The following DPYD variants were observed in gnomAD, a reference collection of about 807,000 sequenced individuals.
DPYD encodes the protein dihydropyrimidine dehydrogenase.
A neutral mutation model predicts 116.2 loss-of-function variants in DPYD; 109 were observed. That is an observed-to-expected ratio of 0.94 (90% CI 0.80 to 1.10). The LOEUF is 1.10. Among genes scored for constraint, DPYD ranks in the 50% least tolerant of loss-of-function variants. The pLI is 0.00. For synonymous variants in DPYD, 440 were observed against 432.0 expected (o/e 1.02, Z -0.23); for missense variants, 1,302 against 1,254.5 (o/e 1.04, Z -0.57).
intron 8 of DPYD, among the ~76,000 whole-genome samples, chr1:97,609,188 G>A (rs549824219): frequency 5.3e-5 from 8 of 151,818 alleles, no homozygotes; most frequent in African/African-American, 7.2e-5. Flanking sequence ...TTGTAAATAC[G>A]TTTATATTTT....
intron 3 of DPYD, among the ~76,000 whole-genome samples, chr1:97,804,775 CATCTCTTAGGATTTGTAA>C (rs1381010217): frequency 6.6e-6 from 1 of 151,832 alleles, no homozygotes; most frequent in Non-Finnish European, 1.5e-5. Flanking sequence ...AATTTAACTT[CATCTCTTAGGATTTGTAA>C]ACCTATTCTT....
intron 20 of DPYD, among the ~76,000 whole-genome samples, chr1:97,124,382 G>C (rs1652674475): frequency 6.6e-6 from 1 of 152,050 alleles, no homozygotes; most frequent in Non-Finnish European, 1.5e-5. Flanking sequence ...GAGCTGCAAT[G>C]CTTCAACATT....
intron 15 of DPYD, among the ~76,000 whole-genome samples, chr1:97,379,423 C>T (rs34085458): frequency 0.23 from 34,602 of 152,178 alleles, 4,749 homozygotes; most frequent in Non-Finnish European, 0.3. Flanking sequence ...GCCAATTATA[C>T]GCTTCCTCAA....
intron 13 of DPYD, among the ~76,000 whole-genome samples, chr1:97,477,841 C>T (rs1002056105): frequency 2.0e-5 from 3 of 151,938 alleles, no homozygotes; most frequent in East Asian, 1.9e-4. Context: ...AGGATGGTCT[C>T]GATCTCCTGA....
intron 4 of DPYD, among the ~76,000 whole-genome samples, chr1:97,729,907 C>A (rs576080274): frequency 6.6e-6 from 1 of 152,232 alleles, no homozygotes; most frequent in Non-Finnish European, 1.5e-5. Flanking sequence ...ATTGTTGCCT[C>A]TATATTGTTC....
rs913573695 is a variant in DPYD, at chr1:97,201,019, C to T, written c.2443-7771G>A. Among the ~76,000 whole-genome samples, 7 of 152,236 alleles carry T rather than the reference C, an allele frequency of 4.6e-5. 2 individuals carry two copies. The highest frequency in any genetic ancestry group is 1.3e-4 in the Admixed American group (2 of 15,276). ...AACTGGGAGGGCCAACAGTAAGACT[C>T]AGAATTTCTGACCTCTGCAGAGCTT... is the stretch of plus-strand genomic sequence containing the variant. On this transcript the variant is annotated intron_variant, in intron 19 of 22. Coordinates refer to ENST00000370192, the MANE Select transcript of DPYD (RefSeq NM_000110.4).
At chr1:97,771,328 T>C (rs889028509) in intron 3 of DPYD, among the ~76,000 whole-genome samples, 1 of 152,224 alleles carries the variant, frequency 6.6e-6, no homozygotes, top group African/African-American at 2.4e-5. Context: ...TTTAATATGC[T>C]GTTAGCGGCT....
At chr1:97,595,980 A>G (rs1477051113) in intron 8 of DPYD, among the ~76,000 whole-genome samples, 4 of 152,074 alleles carry the variant, frequency 2.6e-5, no homozygotes, top group Non-Finnish European at 5.9e-5. Context: ...GGAAATATAC[A>G]TTGGTGTTCA....
chr1:97,291,434 AC>A (rs1558004769), intron 18 of DPYD, among the ~76,000 whole-genome samples: 1 of 151,780 alleles, frequency 6.6e-6, no homozygotes, highest in Non-Finnish European at 1.5e-5. Context: ...CTTGGAACCA[AC>A]CCAAATGTCC....
At chr1:97,377,638 T>G (rs1671709360) in intron 15 of DPYD, among the ~76,000 whole-genome samples, 1 of 152,214 alleles carries the variant, frequency 6.6e-6, no homozygotes, top group Admixed American at 6.5e-5. Flanking sequence ...AACCACAAAC[T>G]CTTGTGCAAC....
chr1:97,719,884 C>A, intron 5 of DPYD: 1 of 985,010 alleles, frequency 1.0e-6, no homozygotes, highest in Non-Finnish European at 1.2e-6. Flanking sequence ...ACTTAAAATG[C>A]ATCTACTGCA....
intron 5 of DPYD, among the ~76,000 whole-genome samples, chr1:97,705,500 A>G (rs1464708221): frequency 6.6e-6 from 1 of 151,996 alleles, no homozygotes. Flanking sequence ...TCCATGGTGT[A>G]TATGTGCCAC....
chr1:97,612,038 T>C (rs1286459978), intron 8 of DPYD, among the ~76,000 whole-genome samples: 1 of 152,068 alleles, frequency 6.6e-6, no homozygotes, highest in Non-Finnish European at 1.5e-5. Flanking sequence ...GTGGCTCATG[T>C]GTAATCTGGG....
intron 20 of DPYD, among the ~76,000 whole-genome samples, chr1:97,117,560 T>C (rs1049014524): frequency 1.3e-5 from 2 of 152,224 alleles, no homozygotes; most frequent in African/African-American, 2.4e-5. Flanking sequence ...ATCCATTGTA[T>C]ACATATTGCA....
chr1:97,147,239 A>T (rs1260345240), intron 20 of DPYD, among the ~76,000 whole-genome samples: 1 of 152,066 alleles, frequency 6.6e-6, no homozygotes, highest in Non-Finnish European at 1.5e-5. Flanking sequence ...CCAGCTACTC[A>T]GGAGGCTGAG....
chr1:97,706,189 T>C (rs1456132028), intron 5 of DPYD, among the ~76,000 whole-genome samples: 1 of 150,662 alleles, frequency 6.6e-6, no homozygotes, highest in African/African-American at 2.4e-5. Flanking sequence ...CTAGCCACTC[T>C]ACTAACAAAA....
chr1:97,514,409 A>G (rs1648047632), intron 13 of DPYD, among the ~76,000 whole-genome samples: 1 of 151,878 alleles, frequency 6.6e-6, no homozygotes. Context: ...GTTTACATAT[A>G]TGTTTTTTAA....
At chr1:97,440,621 A>G (rs113770782) in intron 14 of DPYD, among the ~76,000 whole-genome samples, 1 of 152,196 alleles carries the variant, frequency 6.6e-6, no homozygotes, top group African/African-American at 2.4e-5. Flanking sequence ...AGAACCCTAG[A>G]GCAGTATACT....
chr1:97,687,798 T>TA (rs1358155383), intron 7 of DPYD, among the ~76,000 whole-genome samples: 3 of 152,050 alleles, frequency 2.0e-5, no homozygotes, highest in Admixed American at 6.6e-5. Context: ...ATGCAGCCAT[T>TA]AAAAAAATTA....
Sources: allele counts gnomAD v4.1 joint callset (sites outside exome capture counted in the v4.1 genomes callset), GRCh38; gene constraint gnomAD v4.1.1; transcripts MANE v1.5; gene names NCBI Gene and HGNC (gene_info 2026-07-23, HGNC 2026-07-21).